THADA: variants seen among roughly 807,000 people sequenced by gnomAD.
THADA encodes the protein tRNA (32-2'-O)-methyltransferase regulator THADA.
A neutral mutation model predicts 219.8 loss-of-function variants in THADA; 213 were observed. The observed-to-expected ratio is 0.97, with a 90% confidence interval of 0.87 to 1.09. The LOEUF (loss-of-function observed/expected upper bound fraction) is 1.09. THADA is among the 50% of genes least tolerant of loss of function. The pLI, the probability that THADA is intolerant of heterozygous loss-of-function variation, is 0.00. For missense variants in THADA, 2,956 were observed against 2,311.3 expected (o/e 1.28, Z -5.72); for synonymous variants, 1,018 against 828.9 (o/e 1.23, Z -3.92).
chr2:43,393,093 T>C (rs1351207224), intron 29 of THADA, among the ~76,000 whole-genome samples: 2 of 152,174 alleles, frequency 1.3e-5, no homozygotes, highest in Non-Finnish European at 2.9e-5. Context: ...TATTTCCAGA[T>C]ACAGATTTAG....
intron 26 of THADA, 27 bp downstream of exon 26, chr2:43,485,207 G>T: frequency 6.4e-7 from 1 of 1,559,012 alleles, no homozygotes; most frequent in Non-Finnish European, 8.8e-7. Flanking sequence ...TTTAAAAAAA[G>T]TAAAGTTAGC....
At chr2:43,372,111 C>CT (rs1193558840) in intron 29 of THADA, 1 of 152,206 alleles carries the variant, frequency 6.6e-6, no homozygotes, top group East Asian at 1.9e-4. Context: ...TCTCCAAAGA[C>CT]TGTGTGGTCA....
intron 29 of THADA, among the ~76,000 whole-genome samples, chr2:43,349,290 T>C (rs1667986682): frequency 6.6e-6 from 1 of 152,110 alleles, no homozygotes; most frequent in South Asian, 2.1e-4. Context: ...TGGAAGCAGT[T>C]ACCCTCTGTC....
At chr2:43,463,047 T>C (rs569477065) in intron 26 of THADA, 1 of 152,334 alleles carries the variant, frequency 6.6e-6, no homozygotes, top group African/African-American at 2.4e-5. Flanking sequence ...TTCCATTCAT[T>C]ATAAGCTGAG....
At chr2:43,322,674 CTTTTTTTTTT>C (rs34557514) in intron 30 of THADA, among the ~76,000 whole-genome samples, 10 of 54,824 alleles carry the variant, frequency 1.8e-4, no homozygotes, top group East Asian at 4.7e-4. Context: ...ACATTCTATT[CTTTTTTTTTT>C]TTTTTTTTTT....
intron 24 of THADA, among the ~76,000 whole-genome samples, chr2:43,502,850 C>T (rs1022795477): frequency 5.9e-5 from 9 of 151,644 alleles, no homozygotes; most frequent in Middle Eastern, 3.2e-3. Flanking sequence ...ATTTTTGAAA[C>T]AACAATAAAA....
intron 20 of THADA, among the ~76,000 whole-genome samples, chr2:43,541,550 C>A (rs920856591): frequency 6.6e-6 from 1 of 151,864 alleles, no homozygotes; most frequent in Non-Finnish European, 1.5e-5. Flanking sequence ...GCTCTGTCAC[C>A]CAGGCTGGGG....
At chr2:43,409,354 CT>C (rs552337891) in intron 28 of THADA, among the ~76,000 whole-genome samples, 140 of 143,134 alleles carry the variant, frequency 9.8e-4, no homozygotes, top group South Asian at 4.2e-3. Flanking sequence ...CAAAAAATTG[CT>C]TTTTTTTTTT....
intron 28 of THADA, among the ~76,000 whole-genome samples, chr2:43,420,684 T>A (rs1677596607): frequency 1.3e-5 from 2 of 152,176 alleles, no homozygotes; most frequent in Admixed American, 1.3e-4. Context: ...AAAACATATT[T>A]AGAAAATGGT....
chr2:43,232,682 GC>G (rs1289736742), intron 37 of THADA, 30 bp downstream of exon 37: 1 of 1,610,662 alleles, frequency 6.2e-7, no homozygotes, highest in Non-Finnish European at 8.5e-7. Flanking sequence ...CTCCAACCCT[GC>G]CTCCTACTCC....
intron 30 of THADA, among the ~76,000 whole-genome samples, chr2:43,327,090 T>A (rs938359522): frequency 6.6e-6 from 1 of 151,988 alleles, no homozygotes; most frequent in South Asian, 2.1e-4. Flanking sequence ...AAAATACACA[T>A]AAAAACAGAG....
chr2:43,571,353 C>A (rs1172817711), intron 13 of THADA, among the ~76,000 whole-genome samples: 1 of 150,752 alleles, frequency 6.6e-6, no homozygotes, highest in Admixed American at 6.6e-5. Context: ...TAGGTTCAAG[C>A]AATTCTCCTG....
At chr2:43,365,566 GACACACACAC>G (rs375762944) in intron 29 of THADA, among the ~76,000 whole-genome samples, 5 of 143,606 alleles carry the variant, frequency 3.5e-5, no homozygotes, top group South Asian at 2.3e-4. Context: ...GCAAGACTCT[GACACACACAC>G]ACACACACAC....
intron 28 of THADA, among the ~76,000 whole-genome samples, chr2:43,422,007 G>T (rs1677778441): frequency 6.6e-6 from 1 of 152,216 alleles, no homozygotes; most frequent in African/African-American, 2.4e-5. Context: ...CAGCTGAGTT[G>T]TTCACCTATT....
intron 31 of THADA, among the ~76,000 whole-genome samples, chr2:43,299,989 C>G (rs1342352370): frequency 1.4e-5 from 2 of 145,590 alleles, no homozygotes; most frequent in South Asian, 2.2e-4. Flanking sequence ...GATTGTGCCA[C>G]TGCACTACAG....
chr2:43,526,370 A>G (rs938268695), intron 22 of THADA, among the ~76,000 whole-genome samples: 1 of 152,070 alleles, frequency 6.6e-6, no homozygotes, highest in African/African-American at 2.4e-5. Context: ...CAATCTATCA[A>G]CTTGCCTGGT....
chr2:43,465,425 TAGAG>T (rs1356100275), intron 26 of THADA, among the ~76,000 whole-genome samples: 2 of 152,168 alleles, frequency 1.3e-5, no homozygotes, highest in Non-Finnish European at 2.9e-5. Flanking sequence ...CAGCTCTCCT[TAGAG>T]AGCTCAGAGC....
At chr2:43,259,464 C>T (rs1670696420) in intron 36 of THADA, among the ~76,000 whole-genome samples, 1 of 152,194 alleles carries the variant, frequency 6.6e-6, no homozygotes, top group Non-Finnish European at 1.5e-5. Context: ...CATTTATGCT[C>T]CTTGCCAGGC....
chr2:43,440,524 AAC>A (rs1482312169), intron 26 of THADA, among the ~76,000 whole-genome samples: 1 of 152,210 alleles, frequency 6.6e-6, no homozygotes. Context: ...ACTGGTCAAG[AAC>A]ATCAATTTCC....
Sources: gnomAD v4.1 joint callset for allele counts (sites outside exome capture counted in the v4.1 genomes callset) on GRCh38, gnomAD v4.1.1 for gene constraint, MANE v1.5 for transcripts, NCBI Gene and HGNC (gene_info 2026-07-23, HGNC 2026-07-21) for gene names.